The following ACTR3C variants were observed in gnomAD, a reference collection of about 807,000 sequenced individuals.
ACTR3C encodes actin-related protein 3C.
ACTR3C carries 18 observed loss-of-function variants against 26.3 expected under a neutral mutation model. That is an observed-to-expected ratio of 0.68 (90% confidence interval 0.47 to 1.01). ACTR3C has a LOEUF of 1.01. Among genes scored for constraint, ACTR3C ranks in the 50% least tolerant of loss-of-function variants. The pLI is 0.00. For synonymous variants in ACTR3C, 55 were observed against 94.5 expected, an observed-to-expected ratio of 0.58 and a Z score of 2.42; for missense variants, 184 against 250.7, an observed-to-expected ratio of 0.73 and a Z score of 1.80.
chr7:149,961,087 C>CTCACAGGAAGTGTACAG, the ACTR3C span, among the ~76,000 whole-genome samples: 1 of 150,910 alleles, frequency 6.6e-6, no homozygotes, highest in Admixed American at 6.6e-5. Flanking sequence ...AAAGTGTATA[C>CTCACAGGAAGTGTACAG]TCACAGGAAG....
chr7:150,090,434 T>G, the ACTR3C span, among the ~76,000 whole-genome samples: 1 of 152,346 alleles, frequency 6.6e-6, no homozygotes, highest in Middle Eastern at 3.4e-3. Context: ...CTGAAAGGTG[T>G]ATAAAGCTTT....
chr7:150,000,049 A>G, the ACTR3C span, among the ~76,000 whole-genome samples: 1 of 149,638 alleles, frequency 6.7e-6, no homozygotes, highest in Admixed American at 6.7e-5. Flanking sequence ...TATAGTCATT[A>G]TACTATTTTT....
intron 1 of ACTR3C, among the ~76,000 whole-genome samples, chr7:150,298,974 CTTTT>C (rs550994860): frequency 0.027 from 2,198 of 82,662 alleles, 29 homozygotes; most frequent in African/African-American, 0.11. Context: ...GTAATGAAAA[CTTTT>C]TTTTTTTTTT....
the ACTR3C span, among the ~76,000 whole-genome samples, chr7:150,028,368 G>A: frequency 2.0e-5 from 3 of 152,286 alleles, no homozygotes; most frequent in East Asian, 3.8e-4. Context: ...CTGTGTCTGT[G>A]TCTGTGTCTG....
chr7:150,009,878 T>C, the ACTR3C span, among the ~76,000 whole-genome samples: 3 of 152,206 alleles, frequency 2.0e-5, no homozygotes, highest in South Asian at 4.1e-4. Context: ...TTGCTCTCAC[T>C]CTCTCCCTCC....
At chr7:150,038,741 G>T in the ACTR3C span, among the ~76,000 whole-genome samples, 1 of 144,598 alleles carries the variant, frequency 6.9e-6, no homozygotes, top group Non-Finnish European at 1.5e-5. Context: ...TAGGAGCAAC[G>T]ATGGGGGGGT....
the ACTR3C span, among the ~76,000 whole-genome samples, chr7:150,144,136 C>G: frequency 6.6e-6 from 1 of 151,902 alleles, no homozygotes; most frequent in South Asian, 2.1e-4. This position sits in a 1 kb window ranked among gnomAD's most constrained non-coding sequence, Gnocchi z 4.6. Context: ...AAGCTGAGGG[C>G]AAAGGGAATG....
the ACTR3C span, among the ~76,000 whole-genome samples, chr7:149,913,162 G>A: frequency 3.9e-5 from 6 of 151,948 alleles, no homozygotes; most frequent in Non-Finnish European, 5.9e-5. Context: ...TCTTTCCCAG[G>A]AGGAGAACTC....
At chr7:150,126,686 A>G in the ACTR3C span, among the ~76,000 whole-genome samples, 707 of 152,286 alleles carry the variant, frequency 4.6e-3, 4 homozygotes, top group African/African-American at 0.016. Flanking sequence ...TTGGACAGAA[A>G]AAGCCCATGG....
chr7:149,983,952 G>T, the ACTR3C span, among the ~76,000 whole-genome samples: 1 of 152,014 alleles, frequency 6.6e-6, no homozygotes, highest in Non-Finnish European at 1.5e-5. Context: ...GCTTGCCAGG[G>T]GCTTGGGATA....
chr7:150,122,430 T>C, the ACTR3C span, among the ~76,000 whole-genome samples: 1 of 152,116 alleles, frequency 6.6e-6, no homozygotes, highest in Non-Finnish European at 1.5e-5. Context: ...GGGCAAAGGA[T>C]ATGAACAGAC....
At chr7:149,984,581 G>A in the ACTR3C span, among the ~76,000 whole-genome samples, 5 of 151,052 alleles carry the variant, frequency 3.3e-5, no homozygotes, top group Admixed American at 1.3e-4. Flanking sequence ...TGTTGATAAT[G>A]TAATAGTTGA....
At chr7:150,167,355 G>A in the ACTR3C span, among the ~76,000 whole-genome samples, 1 of 150,520 alleles carries the variant, frequency 6.6e-6, no homozygotes, top group Non-Finnish European at 1.5e-5. Flanking sequence ...AATATTTTAG[G>A]GTTCTTATAA....
chr7:150,309,880 G>C (rs535942141), intron 1 of ACTR3C, among the ~76,000 whole-genome samples: 9 of 152,072 alleles, frequency 5.9e-5, no homozygotes, highest in Non-Finnish European at 1.0e-4. Context: ...GCCGAGCTTC[G>C]GGTAACTTTT....
the ACTR3C span, among the ~76,000 whole-genome samples, chr7:150,095,865 T>G: frequency 1.3e-5 from 2 of 150,544 alleles, no homozygotes; most frequent in Non-Finnish European, 2.9e-5. Flanking sequence ...TGGGAACAAA[T>G]GAAAAGTTAA....
the ACTR3C span, among the ~76,000 whole-genome samples, chr7:149,905,049 A>T: frequency 1.2e-4 from 18 of 151,642 alleles, no homozygotes; most frequent in African/African-American, 2.4e-4. Flanking sequence ...ATAAAAATAA[A>T]AATAATAATA....
At chr7:149,970,271 A>C in the ACTR3C span, among the ~76,000 whole-genome samples, 1 of 151,638 alleles carries the variant, frequency 6.6e-6, no homozygotes, top group African/African-American at 2.4e-5. Context: ...GCAGCAAAGG[A>C]AGGTGACAAG....
At chr7:150,027,251 G>T in the ACTR3C span, among the ~76,000 whole-genome samples, 108 of 152,214 alleles carry the variant, frequency 7.1e-4, 3 homozygotes, top group South Asian at 0.019. Context: ...CCTCGGTGTG[G>T]GGATCATTGC....
the ACTR3C span, among the ~76,000 whole-genome samples, chr7:150,035,194 C>CA: frequency 9.0e-5 from 11 of 122,818 alleles, no homozygotes; most frequent in African/African-American, 2.9e-4. Context: ...TCTCAGTCCC[C>CA]GCCTCACGGG....
Sources: allele counts gnomAD v4.1 joint callset (sites outside exome capture counted in the v4.1 genomes callset), GRCh38; gene constraint gnomAD v4.1.1; non-coding constraint Gnocchi (gnomAD v3.1); transcripts MANE v1.5; gene names NCBI Gene and HGNC (gene_info 2026-07-23, HGNC 2026-07-21).